MICU3: variants seen among roughly 807,000 people sequenced by gnomAD.
MICU3 encodes the protein calcium uptake protein 3, mitochondrial.
A neutral mutation model predicts 66.5 loss-of-function variants in MICU3; 62 were observed. The ratio of observed to expected loss-of-function variants is 0.93; its 90% CI spans 0.76 to 1.15. The LOEUF is 1.15. Among genes scored for constraint, MICU3 ranks in the 50% most tolerant of loss-of-function variants. MICU3 has a pLI of 0.00. For missense variants in MICU3, 779 were observed against 664.4 expected (o/e 1.17, Z -1.90); for synonymous variants, 308 against 240.7 (o/e 1.28, Z -2.59).
intron 2 of MICU3, among the ~76,000 whole-genome samples, chr8:17,064,553 G>A (rs979777154): frequency 9.2e-5 from 14 of 152,228 alleles, no homozygotes; most frequent in African/African-American, 3.4e-4. Context: ...GACTGGCTTT[G>A]AGGTTAGCCC....
chr8:17,033,497 G>A (rs1013646960), intron 1 of MICU3, among the ~76,000 whole-genome samples: 2 of 151,760 alleles, frequency 1.3e-5, no homozygotes, highest in South Asian at 2.1e-4. Flanking sequence ...GTGCAGTGGC[G>A]TGATCTCCAC....
intron 1 of MICU3, among the ~76,000 whole-genome samples, chr8:17,045,478 T>A (rs1814916112): frequency 6.6e-6 from 1 of 152,196 alleles, no homozygotes; most frequent in African/African-American, 2.4e-5. Context: ...CATGTTTTAG[T>A]CATGCTTATG....
At chr8:17,054,378 A>G (rs1001451187) in intron 1 of MICU3, among the ~76,000 whole-genome samples, 3 of 152,178 alleles carry the variant, frequency 2.0e-5, no homozygotes, top group Non-Finnish European at 4.4e-5. Flanking sequence ...TTAAAACTTA[A>G]GTTTATATAC....
intron 1 of MICU3, among the ~76,000 whole-genome samples, chr8:17,043,900 A>G (rs987295163): frequency 2.0e-5 from 3 of 152,256 alleles, no homozygotes; most frequent in Admixed American, 1.3e-4. Flanking sequence ...TTTGTGAGTT[A>G]TAAGTACAAA....
chr8:17,123,463 T>C (rs995099946), downstream of MICU3, among the ~76,000 whole-genome samples: 8 of 151,922 alleles, frequency 5.3e-5, no homozygotes, highest in African/African-American at 1.9e-4. Context: ...GTAGACAGTT[T>C]TTGGAAAAAT....
chr8:17,099,522 G>A (rs1801075091), intron 9 of MICU3, among the ~76,000 whole-genome samples: 1 of 151,764 alleles, frequency 6.6e-6, no homozygotes, highest in African/African-American at 2.4e-5. Context: ...CCCTTGCTCA[G>A]TTTTAAAGTC....
intron 11 of MICU3, among the ~76,000 whole-genome samples, chr8:17,113,802 C>T (rs1184808670): frequency 6.6e-6 from 1 of 150,934 alleles, no homozygotes; most frequent in African/African-American, 2.4e-5. Flanking sequence ...AAAATTGAAA[C>T]TTTTTAATTC....
chr8:17,075,817 G>A (rs998482534), intron 3 of MICU3, among the ~76,000 whole-genome samples: 2 of 152,046 alleles, frequency 1.3e-5, no homozygotes, highest in African/African-American at 4.8e-5. Flanking sequence ...GTTATTATAT[G>A]AGCCTATTGT....
chr8:17,058,999 T>A (rs1817412141), intron 1 of MICU3, among the ~76,000 whole-genome samples: 1 of 152,240 alleles, frequency 6.6e-6, no homozygotes, highest in South Asian at 2.1e-4. Flanking sequence ...TCCAATTGAC[T>A]AATTATTTTA....
the MICU3 span, among the ~76,000 whole-genome samples, chr8:17,134,592 C>T: frequency 6.6e-6 from 1 of 152,064 alleles, no homozygotes; most frequent in African/African-American, 2.4e-5. Flanking sequence ...CTACAGGTGC[C>T]CACCACCACA....
At chr8:17,110,522 C>A (rs1802096519) in intron 11 of MICU3, among the ~76,000 whole-genome samples, 1 of 151,922 alleles carries the variant, frequency 6.6e-6, no homozygotes, top group South Asian at 2.1e-4. Flanking sequence ...TAGCATGTAA[C>A]CTTTTTGTTT....
At chr8:17,103,263 G>A (rs562073282) in intron 9 of MICU3, among the ~76,000 whole-genome samples, 1 of 151,954 alleles carries the variant, frequency 6.6e-6, no homozygotes, top group African/African-American at 2.4e-5. Flanking sequence ...TAGGAAGAGG[G>A]CTATGAGGAA....
At chr8:17,115,418 A>C (rs1400488542) in intron 12 of MICU3, among the ~76,000 whole-genome samples, 4 of 152,222 alleles carry the variant, frequency 2.6e-5, no homozygotes, top group Non-Finnish European at 5.9e-5. Flanking sequence ...GATAAATCTC[A>C]TCAACGTGCA....
intron 14 of MICU3, among the ~76,000 whole-genome samples, chr8:17,119,294 T>C (rs761724180): frequency 6.6e-6 from 1 of 152,162 alleles, no homozygotes; most frequent in African/African-American, 2.4e-5. Context: ...AACTTATTAT[T>C]CCTTATCACA....
At chr8:17,127,818 T>C in the MICU3 span, among the ~76,000 whole-genome samples, 6 of 152,296 alleles carry the variant, frequency 3.9e-5, 1 homozygote, top group Admixed American at 2.0e-4. Context: ...CCAAATACAA[T>C]GTACACTGAA....
intron 8 of MICU3, among the ~76,000 whole-genome samples, chr8:17,094,520 A>T (rs375220493): frequency 6.6e-6 from 1 of 152,036 alleles, no homozygotes. Context: ...TTTAATGTCT[A>T]GCTTACTAGA....
chr8:17,049,969 C>G (rs1014268972), intron 1 of MICU3, among the ~76,000 whole-genome samples: 2 of 151,934 alleles, frequency 1.3e-5, no homozygotes, highest in Non-Finnish European at 2.9e-5. Flanking sequence ...ATGGTAGCAC[C>G]TCTAGATCTA....
intron 7 of MICU3, 48 bp from the exon 8 acceptor site, chr8:17,090,498 T>A (rs368528252): frequency 9.0e-6 from 14 of 1,557,470 alleles, no homozygotes; most frequent in Non-Finnish European, 1.2e-5. Context: ...GTACTTGGGT[T>A]CATTCTGAAA....
At chr8:17,041,671 G>C (rs11203826) in intron 1 of MICU3, among the ~76,000 whole-genome samples, 1 of 151,792 alleles carries the variant, frequency 6.6e-6, no homozygotes, top group African/African-American at 2.4e-5. Flanking sequence ...TTAAAGGAAA[G>C]AGAATAATTG....
Sources: allele counts gnomAD v4.1 joint callset (sites outside exome capture counted in the v4.1 genomes callset), GRCh38; gene constraint gnomAD v4.1.1; transcripts MANE v1.5; gene names NCBI Gene and HGNC (gene_info 2026-07-23, HGNC 2026-07-21).